Variants in ZNF423 observed in about 807,000 individuals in gnomAD.
ZNF423 encodes the protein zinc finger protein 423.
ZNF423 carries 12 observed loss-of-function variants against 95.8 expected under a neutral mutation model. The ratio of observed to expected loss-of-function variants is 0.13; its 90% CI spans 0.08 to 0.20. The LOEUF is 0.20. Ranked by LOEUF, ZNF423 falls within the 10% of genes least tolerant of loss-of-function variation. The probability of loss-of-function intolerance (pLI) is 1.00; values close to 1 mark genes in which losing one functional copy is unlikely to be tolerated. For synonymous variants in ZNF423, 749 were observed against 711.9 expected (o/e 1.05, Z -0.83); for missense variants, 1,316 against 1,737.1 (o/e 0.76, Z 4.31).
intron 5 of ZNF423, among the ~76,000 whole-genome samples, chr16:49,601,132 G>A (rs758612274): frequency 6.6e-5 from 10 of 152,162 alleles, no homozygotes; most frequent in African/African-American, 1.2e-4. Flanking sequence ...ATGTGCTGAC[G>A]ACGGACTAAA....
Position 49,579,728 on chromosome 16 carries a change from C to G in ZNF423, c.3601+46442G>C, listed in dbSNP as rs570807528. On this transcript the variant is annotated intron_variant, in intron 5 of 7. Transcript: ENST00000563137. ...TGCTCCATCCTTTCTCAAGGACCAC[C>G]ATAAAGGGTTCCAAACAGTCTTTGG... 3.3e-3 allele frequency among the ~76,000 whole-genome samples: 495 copies of G among 152,240 alleles called. 1 individual carries two copies. Among genetic ancestry groups the G allele is most frequent in the African/African-American group, 0.011 (463 of 41,544 alleles).
Position 49,635,613 on chromosome 16 carries a change from G to A in ZNF423, c.3516+47C>T. The A allele has an allele frequency of 6.6e-7, 1 of 1,509,384 alleles. No individual in the cohort carries two copies. The highest frequency in any genetic ancestry group is 1.8e-4 in the Middle Eastern group (1 of 5,504). 93.5% of individuals were successfully genotyped at this position (1,509,384 alleles called of 1,614,324 possible). ...CGTGGCTCCTGTGGGGACCAGAGGA[G>A]CCCCAAGGAGAGGAGCAGGGAGCAG... is the stretch of plus-strand genomic sequence containing the variant. On this transcript the variant is annotated intron_variant, in intron 4 of 7. Transcript: ENST00000563137. This position sits in a 1 kb window ranked among gnomAD's most constrained non-coding sequence, Gnocchi z 4.8.
At chr16:49,796,720 T>G (rs2034505012) in intron 1 of ZNF423, among the ~76,000 whole-genome samples, 1 of 152,122 alleles carries the variant, frequency 6.6e-6, no homozygotes, top group Non-Finnish European at 1.5e-5. Flanking sequence ...GAACCCAGAA[T>G]GCTCCTTTCT....
chr16:49,565,824 A>G (rs1400353960), intron 5 of ZNF423, among the ~76,000 whole-genome samples: 1 of 151,980 alleles, frequency 6.6e-6, no homozygotes, highest in Non-Finnish European at 1.5e-5. Context: ...AAAGAGAGAA[A>G]GGAAGAAAAG....
intron 2 of ZNF423, among the ~76,000 whole-genome samples, chr16:49,759,997 T>A (rs964508347): frequency 8.6e-6 from 1 of 116,272 alleles, no homozygotes; most frequent in Non-Finnish European, 1.6e-5. Flanking sequence ...AGTGAATGGG[T>A]GAATGGATGG....
intron 3 of ZNF423, among the ~76,000 whole-genome samples, chr16:49,651,019 T>C (rs1205345372): frequency 1.3e-5 from 2 of 151,954 alleles, no homozygotes; most frequent in African/African-American, 4.8e-5. Context: ...CTTTTGGCTT[T>C]TTTTTTTTCT....
chr16:49,646,568 C>CTTTTTTTTTTTTTT (rs1194511671), intron 3 of ZNF423, among the ~76,000 whole-genome samples: 4 of 120,720 alleles, frequency 3.3e-5, no homozygotes, highest in Non-Finnish European at 7.3e-5. Flanking sequence ...ATTTTCTTTT[C>CTTTTTTTTTTTTTT]TTTTTCTTTT....
intron 5 of ZNF423, among the ~76,000 whole-genome samples, chr16:49,612,696 A>G (rs1443465219): frequency 2.0e-5 from 3 of 152,148 alleles, no homozygotes; most frequent in Non-Finnish European, 4.4e-5. Flanking sequence ...AAGGCAAGAA[A>G]AGGAAATAAA....
chr16:49,623,613 G>A (rs959143426), intron 5 of ZNF423, among the ~76,000 whole-genome samples: 1 of 152,236 alleles, frequency 6.6e-6, no homozygotes, highest in Non-Finnish European at 1.5e-5. Flanking sequence ...TCAGCAGCCA[G>A]TGACTGACAG....
intron 3 of ZNF423, among the ~76,000 whole-genome samples, chr16:49,696,581 A>G (rs1280776254): frequency 6.6e-6 from 1 of 152,130 alleles, no homozygotes; most frequent in Admixed American, 6.5e-5. Context: ...GCCCCTTTGA[A>G]GTGCCCAGCA....
At chr16:49,718,800 A>G (rs555875161) in intron 3 of ZNF423, among the ~76,000 whole-genome samples, 100 of 152,228 alleles carry the variant, frequency 6.6e-4, no homozygotes, top group African/African-American at 2.3e-3. Context: ...CACTCATCCC[A>G]TTCTTCCAGA....
intron 1 of ZNF423, among the ~76,000 whole-genome samples, chr16:49,839,465 CAGG>C (rs1423531271): frequency 6.6e-6 from 1 of 152,200 alleles, no homozygotes; most frequent in Non-Finnish European, 1.5e-5. Context: ...CCCGCACAGG[CAGG>C]AGTTCTGCCG....
At chr16:49,834,722 T>C (rs1037085576) in intron 1 of ZNF423, among the ~76,000 whole-genome samples, 1 of 152,014 alleles carries the variant, frequency 6.6e-6, no homozygotes, top group Non-Finnish European at 1.5e-5. Flanking sequence ...CGGAGCACGC[T>C]GTGTGCCAGT....
At chr16:49,856,900 G>A (rs1218046517), upstream of ZNF423, among the ~76,000 whole-genome samples, 1 of 131,238 alleles carries the variant, frequency 7.6e-6, no homozygotes, top group African/African-American at 3.0e-5. Flanking sequence ...CCGCGGTGGC[G>A]GAAGAGGAGG....
chr16:49,789,672 AG>A, intron 1 of ZNF423, 126 bp from the exon 2 acceptor site: 2 of 836,896 alleles, frequency 2.4e-6, no homozygotes, highest in Non-Finnish European at 3.5e-6. Context: ...ACCAGGGGAG[AG>A]GGGGCAAAGC....
At chr16:49,725,268 C>T (rs909939203) in intron 3 of ZNF423, among the ~76,000 whole-genome samples, 4 of 152,030 alleles carry the variant, frequency 2.6e-5, no homozygotes, top group Non-Finnish European at 5.9e-5. Flanking sequence ...GCCTGTGGTC[C>T]TAGCTCAGGA....
rs529432325 is a variant in ZNF423 at position 49,607,979 on chromosome 16, T to C, written c.3601+18191A>G. ...CAACTCCCATGACAACTTTTAGCCC[T>C]AGGCATCAATGACTGGAGATCATTC... On this transcript the variant is annotated intron_variant, in intron 5 of 7. Coordinates refer to ENST00000563137, the MANE Select transcript of ZNF423 (RefSeq NM_001379286.1). Among the ~76,000 whole-genome samples, 483 of 152,320 alleles carry C rather than the reference T, an allele frequency of 3.2e-3. 2 individuals are homozygous for C. The highest frequency in any genetic ancestry group is 4.7e-3 in the Non-Finnish European group (322 of 68,030).
intron 7 of ZNF423, among the ~76,000 whole-genome samples, chr16:49,516,709 C>T (rs2151692503): frequency 6.6e-6 from 1 of 152,348 alleles, no homozygotes; most frequent in South Asian, 2.1e-4. Context: ...AGTGTCCATC[C>T]AGGTCATGCA....
chr16:49,779,341 T>A (rs539096188), intron 2 of ZNF423, among the ~76,000 whole-genome samples: 4 of 151,840 alleles, frequency 2.6e-5, no homozygotes, highest in Non-Finnish European at 5.9e-5. Flanking sequence ...AGGGCTATCA[T>A]GGGAAACTTC....
Sources: allele counts gnomAD v4.1 joint callset (sites outside exome capture counted in the v4.1 genomes callset), GRCh38; gene constraint gnomAD v4.1.1; non-coding constraint Gnocchi (gnomAD v3.1); transcripts MANE v1.5; gene names NCBI Gene and HGNC (gene_info 2026-07-23, HGNC 2026-07-21).